The following HSPA13 variants were observed in gnomAD, a reference collection of about 807,000 sequenced individuals.
HSPA13 encodes heat shock protein family A (Hsp70) member 13, also known as heat shock 70 kDa protein 13.
A neutral mutation model predicts 38.8 loss-of-function variants in HSPA13; 29 were observed. That is an observed-to-expected ratio of 0.75 (90% CI 0.56 to 1.02). The LOEUF is 1.02. HSPA13 is among the 50% of genes least tolerant of loss of function. The pLI is 0.00. For synonymous variants in HSPA13, 192 were observed against 205.3 expected (o/e 0.94, Z 0.56); for missense variants, 451 against 560.9 (o/e 0.80, Z 1.98).
chr21:14,374,662 G>A (rs1299715339), intron 4 of HSPA13, among the ~76,000 whole-genome samples: 1 of 151,988 alleles, frequency 6.6e-6, no homozygotes, highest in Admixed American at 6.6e-5. Context: ...GCACATCAGG[G>A]TCAAAATTTT....
intron 3 of HSPA13, among the ~76,000 whole-genome samples, chr21:14,377,302 G>A (rs1334150037): frequency 6.6e-6 from 1 of 152,130 alleles, no homozygotes; most frequent in Non-Finnish European, 1.5e-5. Flanking sequence ...GGCATTAAAT[G>A]TTAAATCATT....
At position 14,373,827 on chromosome 21, in the gene HSPA13, C is replaced by A. The variant is rs758639110; in HGVS notation, c.1206G>T (p.Val402=). 8 of 1,614,196 alleles carry A rather than the reference C, an allele frequency of 5.0e-6. No individual in the cohort carries two copies. Among genetic ancestry groups the A allele is most frequent in the Middle Eastern group, 3.3e-4 (2 of 6,062 alleles). The part of the protein sequence containing the change: ...GHLEKTEIDE[V]VLVGGSTRIP... ...TACGAGTGGAGCCCCCAACTAAAACCACCTCATCAATCTCAGTCTTTTCCA... is the reference window on the plus strand; with the variant it reads ...TACGAGTGGAGCCCCCAACTAAAACAACCTCATCAATCTCAGTCTTTTCCA... The change falls in exon 5 of 5, where the codon GTG becomes GTT. Residue 402 remains valine, a synonymous_variant. Transcript: ENST00000285667.
rs1243599617 is a variant in HSPA13 at position 14,378,398 on chromosome 21, A to G, written c.381T>C (p.Asn127=). The stretch of plus-strand genomic sequence containing the variant: ...TTGTCACAGAAAACTCAACCATTCC[A>G]TTTTTGTTTAAAACCTGTGAATAGG... ...GRYPFKVLNK[N]GMVEFSVTSN... is the part of the protein sequence containing the mutation. Residue 127 remains asparagine, a synonymous_variant, in exon 3 of 5, where the codon AAT becomes AAC. Coordinates refer to ENST00000285667, the MANE Select transcript of HSPA13 (RefSeq NM_006948.5). 1 of 1,613,334 alleles carries G rather than the reference A, an allele frequency of 6.2e-7. No homozygotes were observed. Among genetic ancestry groups the G allele is most frequent in the South Asian group, 1.1e-5 (1 of 91,000 alleles).
rs555086172 is a variant in HSPA13 at position 14,371,724 on chromosome 21, T to C, written c.*1893A>G. On this transcript the variant is annotated 3_prime_UTR_variant, in exon 5 of 5. Transcript: ENST00000285667. ...AAAGCATTAACGGATTAAGAGACTGTCTTGAACATCTCAAACATTTGAGAA... is the reference window on the plus strand; with the variant it reads ...AAAGCATTAACGGATTAAGAGACTGCCTTGAACATCTCAAACATTTGAGAA... The C allele has an allele frequency of 2.0e-5, 3 of 152,266 alleles. 1 individual carries two copies. The South Asian group carries it at 6.2e-4, about 31-fold the overall frequency. The allele number at this position is 152,266 out of a possible 1,614,324, so 9.4% of individuals were successfully genotyped here. A position where few individuals can be genotyped will look rare whatever the true frequency, so the allele number is the denominator to read the frequency against.
Position 14,375,722 on chromosome 21 carries a change from C to T in HSPA13, c.678G>A (p.Leu226=). 6.2e-7 allele frequency: 1 copy of T among 1,614,042 alleles called. No individual in the cohort carries two copies. Among genetic ancestry groups the T allele is most frequent in the South Asian group, 1.1e-5 (1 of 91,072 alleles). Reference sequence around the variant, plus strand: ...AAGACACATCTAGAGTTCCTCCGCCCAAGTCTATCACCAAGACGTGGAAGA... The same window carrying T: ...AAGACACATCTAGAGTTCCTCCGCCTAAGTCTATCACCAAGACGTGGAAGA... ...ADVFHVLVID[L]GGGTLDVSLL... The change falls in exon 4 of 5, where the codon TTG becomes TTA. Residue 226 remains leucine, a synonymous_variant. Coordinates refer to ENST00000285667, the MANE Select transcript of HSPA13 (RefSeq NM_006948.5).
chr21:14,382,046 C>T (rs1302861958), intron 1 of HSPA13, among the ~76,000 whole-genome samples: 1 of 152,016 alleles, frequency 6.6e-6, no homozygotes. Context: ...CCTCCTTTTC[C>T]CTTTCAAAAG....
At chr21:14,377,562 G>A (rs1984058898) in intron 3 of HSPA13, among the ~76,000 whole-genome samples, 1 of 152,100 alleles carries the variant, frequency 6.6e-6, no homozygotes, top group Non-Finnish European at 1.5e-5. Context: ...TGATTGGATT[G>A]ATGGATGCAA....
chr21:14,376,869 T>C (rs530457442), intron 3 of HSPA13, among the ~76,000 whole-genome samples: 1 of 152,348 alleles, frequency 6.6e-6, no homozygotes, highest in African/African-American at 2.4e-5. Context: ...CCTATTTAAA[T>C]TCTACAAGTC....
intron 1 of HSPA13, among the ~76,000 whole-genome samples, chr21:14,382,302 C>T (rs940029955): frequency 1.3e-5 from 2 of 151,812 alleles, no homozygotes; most frequent in Non-Finnish European, 2.9e-5. Flanking sequence ...ATAGCAGATG[C>T]CCAACAAATA....
rs767859770 is a variant in HSPA13, at chr21:14,378,236, T to C, written c.543A>G (p.Lys181=). The C allele has an allele frequency of 6.2e-7, 1 of 1,614,100 alleles. No individual in the cohort carries two copies. Among genetic ancestry groups the C allele is most frequent in the East Asian group, 2.2e-5 (1 of 44,880 alleles). ...VISVPAEFDL[K]QRNSTIEAAN... ...CAGCTTCAATTGTTGAATTTCTCTG[T>C]TTTAGATCAAATTCTGCTGGTACAG... is the stretch of plus-strand genomic sequence containing the variant. Residue 181 remains lysine (K), a synonymous_variant, in exon 3 of 5, where the codon AAA becomes AAG. Transcript: ENST00000285667.
At chr21:14,378,450 G>C (rs1470873430) in intron 2 of HSPA13, 38 bp from the exon 3 acceptor site, 1 of 1,356,984 alleles carries the variant, frequency 7.4e-7, no homozygotes, top group East Asian at 2.3e-5. Context: ...ATAAATAAAA[G>C]AGTAAAAGCA....
At chr21:14,382,665 G>T (rs1882881) in intron 1 of HSPA13, among the ~76,000 whole-genome samples, 89,654 of 151,700 alleles carry the variant, frequency 0.59, 27,344 homozygotes, top group Non-Finnish European at 0.68. Context: ...CAAACCCGAT[G>T]TGATGGAAAA....
intron 4 of HSPA13, 21 bp downstream of exon 4, chr21:14,375,631 C>T (rs1224000385): frequency 2.5e-6 from 4 of 1,608,864 alleles, no homozygotes; most frequent in African/African-American, 2.7e-5. Flanking sequence ...TGCGCCCAGC[C>T]TCTCCCTGCA....
chr21:14,381,479 A>T lies in HSPA13; in HGVS notation c.90T>A (p.Thr30=). ...YLAQQYLPLP[T]PKVIGIDLGT... is the part of the protein sequence containing the mutation. ...CAAGATCAATACCAATCACTTTAGG[A>T]GTAGGCAATGGTAAATACTGTTGTG... The change falls in exon 2 of 5, where the codon ACT becomes ACA. Residue 30 remains threonine, a synonymous_variant. Transcript: ENST00000285667. 6.2e-7 allele frequency: 1 copy of T among 1,613,990 alleles called. No individual in the cohort carries two copies.
intron 1 of HSPA13, among the ~76,000 whole-genome samples, chr21:14,381,857 AAAC>A (rs1348480427): frequency 1.3e-5 from 2 of 152,250 alleles, no homozygotes; most frequent in African/African-American, 2.4e-5. Context: ...TGCTGACAAG[AAAC>A]AACATTTATC....
In HSPA13 at chr21:14,371,704, A is replaced by G. The variant is rs939436373; in HGVS notation, c.*1913T>C. On this transcript the variant is annotated 3_prime_UTR_variant, in exon 5 of 5. Transcript: ENST00000285667. ...TATTTTGTCAATTGTTTCCAAAAGC[A>G]TTAACGGATTAAGAGACTGTCTTGA... 3.3e-5 allele frequency: 5 copies of G among 152,160 alleles called. No homozygotes were observed. Among genetic ancestry groups the G allele is most frequent in the African/African-American group, 1.2e-4 (5 of 41,464 alleles). 9.4% of individuals were successfully genotyped at this position (152,160 alleles called of 1,614,324 possible).
At position 14,373,602 on chromosome 21, in the gene HSPA13, T is replaced by C. The variant is rs1465367140; in HGVS notation, c.*15A>G. On this transcript the variant is annotated 3_prime_UTR_variant, in exon 5 of 5. Coordinates refer to ENST00000285667, the MANE Select transcript of HSPA13 (RefSeq NM_006948.5). ...CATCAGACAAGTTCACAAATAACCA[T>C]TATTTCTGCAGAATTCAGTTGAAGT... 1.3e-6 allele frequency: 2 copies of C among 1,586,148 alleles called. No individual in the cohort carries two copies. Among genetic ancestry groups the C allele is most frequent in the Non-Finnish European group, 1.7e-6 (2 of 1,164,944 alleles).
chr21:14,374,691 T>C (rs1433020268), intron 4 of HSPA13, among the ~76,000 whole-genome samples: 1 of 152,102 alleles, frequency 6.6e-6, no homozygotes, highest in Non-Finnish European at 1.5e-5. Context: ...TAAAAGGAAG[T>C]ATCTCTTCAC....
rs1982883043 is a variant in HSPA13 at position 14,373,712 on chromosome 21, C to T, written c.1321G>A (p.Ala441Thr). ...CCTCCATCAATCCCTGCTTGGATAG[C>T]CACTCCCGTTACTACTGCTAGGTCA... ...DPDLAVVTGV[A>T]IQAGIDGGSW... The change falls in exon 5 of 5, where the codon GCT (alanine) becomes ACT (threonine). Residue 441 changes from alanine to threonine, a missense_variant. Transcript: ENST00000285667. 3 of 1,614,014 alleles carry T rather than the reference C, an allele frequency of 1.9e-6. No individual in the cohort carries two copies. Among genetic ancestry groups the T allele is most frequent in the African/African-American group, 1.3e-5 (1 of 74,914 alleles).
Sources: gnomAD v4.1 joint callset for allele counts (sites outside exome capture counted in the v4.1 genomes callset) on GRCh38, gnomAD v4.1.1 for gene constraint, MANE v1.5 for transcripts, NCBI Gene and HGNC (gene_info 2026-07-23, HGNC 2026-07-21) for gene names.